The following APBA2 variants were observed in gnomAD, a reference collection of about 807,000 sequenced individuals.
APBA2 encodes the protein amyloid-beta A4 precursor protein-binding family A member 2.
APBA2 carries 30 observed loss-of-function variants against 75.0 expected under a neutral mutation model. That is an observed-to-expected ratio of 0.40 (90% confidence interval 0.30 to 0.54). The LOEUF (loss-of-function observed/expected upper bound fraction) is 0.54, where lower values mean the gene tolerates loss of function less well. Ranked by LOEUF, APBA2 falls within the 20% of genes least tolerant of loss-of-function variation. The pLI, the probability that APBA2 is intolerant of heterozygous loss-of-function variation, is 0.49. For missense variants in APBA2, 801 were observed against 1,016.1 expected (o/e 0.79, Z 2.88); for synonymous variants, 444 against 409.6 (o/e 1.08, Z -1.01).
At chr15:28,915,382 T>TGCCCACCTCACACACCAC (rs2033642473) in intron 1 of APBA2, among the ~76,000 whole-genome samples, 2 of 128,130 alleles carry the variant, frequency 1.6e-5, no homozygotes, top group South Asian at 5.6e-4. Context: ...ACACACACCA[T>TGCCCACCTCACACACCAC]GCCCACCTCA....
chr15:28,958,084 G>A (rs1304828981), intron 2 of APBA2, among the ~76,000 whole-genome samples: 2 of 152,204 alleles, frequency 1.3e-5, no homozygotes, highest in African/African-American at 4.8e-5. Flanking sequence ...ATGCTCCTGG[G>A]AACATGAGAG....
intron 4 of APBA2, 68 bp from the exon 5 acceptor site, chr15:29,074,853 T>C (rs1399066730): frequency 7.0e-6 from 10 of 1,425,654 alleles, no homozygotes; most frequent in African/African-American, 2.8e-5. Context: ...TCACATTGCA[T>C]ATTCAGGTTT....
In APBA2 at chr15:29,076,010, A is replaced by G. The variant is rs765922166; in HGVS notation, c.1033-45A>G. 28 of 1,585,126 alleles carry G rather than the reference A, an allele frequency of 1.8e-5. No individual in the cohort carries two copies. The Admixed American group carries it at 2.8e-4, about 16-fold the overall frequency. On this transcript the variant is annotated intron_variant, in intron 5 of 14. Transcript: ENST00000683413. ...TTAGCCTTCACCTTGTGGGCTACCT[A>G]CTTAACAATTGTTATGTGTTTTATT...
chr15:29,054,347 G>A lies in APBA2; in HGVS notation c.463G>A (p.Glu155Lys), dbSNP rs150850452. ...AGPHPHGHEAEGSQDYPDGQL... is the reference protein window; with the variant it reads ...AGPHPHGHEAKGSQDYPDGQL... ...CCCGCACCCCCACGGCCACGAGGCT[G>A]AAGGCAGCCAGGACTACCCAGACGG... The change falls in exon 4 of 15, where the codon GAA becomes AAA. Residue 155 changes from glutamate to lysine, a missense_variant. Glu to Lys is a moderately conservative substitution (Grantham distance 56). Around this residue, in one of 2 missense-constraint regions of APBA2, gnomAD observed 434 missense variants for 471.6 expected, o/e 0.92. Coordinates refer to ENST00000683413, the MANE Select transcript of APBA2 (RefSeq NM_001353788.2). This position sits in a 1 kb window ranked among gnomAD's most constrained non-coding sequence, Gnocchi z 6.1. 19 of 1,613,948 alleles carry A rather than the reference G, an allele frequency of 1.2e-5. No homozygotes were observed. Among genetic ancestry groups the A allele is most frequent in the Non-Finnish European group, 1.6e-5 (19 of 1,180,030 alleles).
chr15:29,070,723 G>A (rs1464340744), intron 4 of APBA2: 1 of 227,890 alleles, frequency 4.4e-6, no homozygotes, highest in African/African-American at 2.3e-5. Flanking sequence ...CCTTCCATCT[G>A]ACCAGGGGGT....
In APBA2 at chr15:28,993,307, G is replaced by A. The variant is rs558094730; in HGVS notation, c.-94-2446G>A. On this transcript the variant is annotated intron_variant, in intron 2 of 14. Coordinates refer to ENST00000683413, the MANE Select transcript of APBA2 (RefSeq NM_001353788.2). ...CACAGCCGTGCTTTAGTGAATGCTA[G>A]CCAGGGGCCCTGGAGAGGGCAAGGA... is the stretch of plus-strand genomic sequence containing the variant. Among the ~76,000 whole-genome samples the A allele has an allele frequency of 2.6e-5, 4 of 152,348 alleles. No individual in the cohort carries two copies. In the South Asian group the frequency reaches 8.3e-4, roughly 32 times the overall value.
chr15:28,958,615 G>T (rs1244935287), intron 2 of APBA2, among the ~76,000 whole-genome samples: 1 of 152,188 alleles, frequency 6.6e-6, no homozygotes, highest in African/African-American at 2.4e-5. Context: ...GCTTGTGCGT[G>T]TCTGAGGCCT....
chr15:29,085,717 A>G (rs757428207), intron 6 of APBA2, among the ~76,000 whole-genome samples: 28 of 152,060 alleles, frequency 1.8e-4, no homozygotes, highest in Non-Finnish European at 2.6e-4. Context: ...ATGTGAACCC[A>G]GTAGTCTTTG....
At chr15:28,962,600 G>C (rs2036538261) in intron 2 of APBA2, among the ~76,000 whole-genome samples, 1 of 151,128 alleles carries the variant, frequency 6.6e-6, no homozygotes, top group Non-Finnish European at 1.5e-5. Context: ...TAATAATAAA[G>C]ACAGATTTTG....
At chr15:28,915,087 C>T (rs1473760229) in intron 1 of APBA2, among the ~76,000 whole-genome samples, 2 of 136,582 alleles carry the variant, frequency 1.5e-5, no homozygotes, top group East Asian at 4.5e-4. Flanking sequence ...CACCACACAC[C>T]ACAAACATAC....
rs190597016 is a variant in APBA2 at position 29,111,811 on chromosome 15, G to A, written c.2038-2065G>A. Among the ~76,000 whole-genome samples, 601 of 152,268 alleles carry A rather than the reference G, an allele frequency of 3.9e-3. 3 individuals carry two copies. The highest frequency in any genetic ancestry group is 5.7e-3 in the Non-Finnish European group (385 of 68,016). On this transcript the variant is annotated intron_variant, in intron 13 of 14. Transcript: ENST00000683413. ...ATGTCCAGGCATCTGCCTGGCTGAG[G>A]TGCACTGGGGCTCCACTGCCCAGCC...
chr15:28,981,504 A>T (rs1451375688), intron 2 of APBA2, among the ~76,000 whole-genome samples: 2 of 152,238 alleles, frequency 1.3e-5, no homozygotes, highest in African/African-American at 4.8e-5. Flanking sequence ...AGCAAAAAAA[A>T]TAACAGTTGC....
rs189753320 is a variant in APBA2 at position 29,094,223 on chromosome 15, G to A, written c.1216-55G>A. On this transcript the variant is annotated intron_variant, in intron 7 of 14. Coordinates refer to ENST00000683413, the MANE Select transcript of APBA2 (RefSeq NM_001353788.2). ...AACCACCAAAGTGACATAACCTCAC[G>A]CACCTTCCTTCTCTCTGTGCCAACT... is the stretch of plus-strand genomic sequence containing the variant. 1.4e-4 allele frequency: 219 copies of A among 1,594,606 alleles called. 1 individual carries two copies. In the African/African-American group the frequency reaches 2.2e-3, roughly 16 times the overall value.
Position 28,955,229 on chromosome 15 carries a change from A to G in APBA2, c.-95+33480A>G, listed in dbSNP as rs138899181. Among the ~76,000 whole-genome samples, 533 of 152,178 alleles carry G rather than the reference A, an allele frequency of 3.5e-3. 7 individuals are homozygous for G. Among genetic ancestry groups the G allele is most frequent in the African/African-American group, 0.012 (490 of 41,556 alleles). On this transcript the variant is annotated intron_variant, in intron 2 of 14. Coordinates refer to ENST00000683413, the MANE Select transcript of APBA2 (RefSeq NM_001353788.2). ...CAGGAGACAGTTTCTTACTCTCATT[A>G]GAGGTGATGCGTTTTGTGTGGTCTT...
intron 1 of APBA2, among the ~76,000 whole-genome samples, chr15:28,889,853 T>C (rs1232758024): frequency 6.6e-6 from 1 of 152,224 alleles, no homozygotes; most frequent in East Asian, 1.9e-4. Context: ...TGTGTTTCTC[T>C]TGTTAACCTT....
Position 29,117,122 on chromosome 15 carries a change from C to G in APBA2, c.2239C>G (p.Leu747Val). ...FRLLTGQETP[L>V]YI ...GCTCCTCACGGGTCAGGAGACCCCGCTGTACATCTAGGCCACCCCAGCCTG... is the reference window on the plus strand; with the variant it reads ...GCTCCTCACGGGTCAGGAGACCCCGGTGTACATCTAGGCCACCCCAGCCTG... Residue 747 changes from leucine (L) to valine (V), a missense_variant, in exon 15 of 15, where the codon CTG (leucine) becomes GTG (valine). Physicochemically the swap from Leu to Val is conservative, Grantham distance 32. This residue lies in a region of APBA2 where 367 missense variants were observed against 544.5 expected (regional missense o/e 0.67). Transcript: ENST00000683413. 2 of 1,613,228 alleles carry G rather than the reference C, an allele frequency of 1.2e-6. No individual in the cohort carries two copies. The highest frequency in any genetic ancestry group is 1.7e-6 in the Non-Finnish European group (2 of 1,179,960).
intron 9 of APBA2, among the ~76,000 whole-genome samples, chr15:29,100,436 T>C (rs2044061299): frequency 6.6e-6 from 1 of 152,228 alleles, no homozygotes; most frequent in Non-Finnish European, 1.5e-5. Context: ...CGAGTTTCTT[T>C]TGTGAACAGA....
At chr15:29,098,389 C>T in intron 8 of APBA2, 101 bp from the exon 9 acceptor site, 1 of 800,016 alleles carries the variant, frequency 1.2e-6, no homozygotes, top group Non-Finnish European at 2.2e-6. Context: ...TTGGATTTAT[C>T]TGGTGATTAG....
intron 1 of APBA2, among the ~76,000 whole-genome samples, chr15:28,896,349 A>G (rs1200257252): frequency 6.6e-6 from 1 of 152,092 alleles, no homozygotes; most frequent in African/African-American, 2.4e-5. Flanking sequence ...GCACGATCTC[A>G]GCTCACTGCA....
Sources: gnomAD v4.1 joint callset for allele counts (sites outside exome capture counted in the v4.1 genomes callset) on GRCh38, gnomAD v4.1.1 for gene constraint, gnomAD v4.1.1 regional missense constraint, Gnocchi (gnomAD v3.1) non-coding constraint, MANE v1.5 for transcripts, NCBI Gene and HGNC (gene_info 2026-07-23, HGNC 2026-07-21) for gene names.